Variants in MAP3K13 observed in about 807,000 individuals in gnomAD.
The protein encoded by MAP3K13 is leucine zipper-bearing kinase.
In MAP3K13, 52 loss-of-function variants were observed where a neutral mutation model predicts 104.0. That is an observed-to-expected ratio of 0.50 (90% CI 0.40 to 0.63). The LOEUF is 0.63. Among genes scored for constraint, MAP3K13 ranks in the 20% least tolerant of loss-of-function variants. The probability of loss-of-function intolerance (pLI) is 0.00; values close to 1 mark genes in which losing one functional copy is unlikely to be tolerated. For synonymous variants in MAP3K13, 394 were observed against 442.2 expected (o/e 0.89, Z 1.37); for missense variants, 914 against 1,218.5 (o/e 0.75, Z 3.72).
intron 2 of MAP3K13, among the ~76,000 whole-genome samples, chr3:185,316,565 C>T (rs1005326554): frequency 1.1e-4 from 16 of 152,094 alleles, no homozygotes; most frequent in African/African-American, 2.7e-4. Context: ...CACTTAAGCC[C>T]GGGAGGTGGA....
rs982692731 is a variant in MAP3K13, at chr3:185,416,886, G to A, written c.-85-11611G>A. 2.6e-5 allele frequency among the ~76,000 whole-genome samples: 4 copies of A among 151,272 alleles called. No individual in the cohort carries two copies. The South Asian group carries it at 8.3e-4, about 32-fold the overall frequency. Reference sequence around the variant, plus strand: ...AATCCTCCCACCTCAGCCTCCCAAAGTGCTGGGAGTACAGGCATGAGCCAC... The same window carrying A: ...AATCCTCCCACCTCAGCCTCCCAAAATGCTGGGAGTACAGGCATGAGCCAC... On this transcript the variant is annotated intron_variant, in intron 1 of 13. Transcript: ENST00000265026.
At chr3:185,332,597 CAATG>C (rs1722327140) in intron 2 of MAP3K13, among the ~76,000 whole-genome samples, 1 of 152,190 alleles carries the variant, frequency 6.6e-6, no homozygotes, top group Non-Finnish European at 1.5e-5. Flanking sequence ...CTTTCTGTTT[CAATG>C]AATGACTAGT....
intron 2 of MAP3K13, among the ~76,000 whole-genome samples, chr3:185,331,162 C>T (rs776595945): frequency 1.8e-4 from 24 of 130,528 alleles, no homozygotes; most frequent in African/African-American, 6.4e-4. Context: ...GGTGGGATCT[C>T]GGCTCACTGC....
intron 10 of MAP3K13, 86 bp from the exon 11 acceptor site, chr3:185,472,889 C>G: frequency 2.5e-6 from 3 of 1,223,100 alleles, no homozygotes; most frequent in Non-Finnish European, 3.5e-6. Context: ...TTCAAAGGCT[C>G]TGTGTATTTT....
At chr3:185,459,014 C>T (rs186976003) in intron 7 of MAP3K13, among the ~76,000 whole-genome samples, 2 of 152,280 alleles carry the variant, frequency 1.3e-5, no homozygotes, top group Non-Finnish European at 2.9e-5. Context: ...CACCCAATTC[C>T]AGATCCCAGT....
At chr3:185,384,006 A>G (rs911466308) in intron 1 of MAP3K13, among the ~76,000 whole-genome samples, 8 of 152,212 alleles carry the variant, frequency 5.3e-5, no homozygotes, top group Non-Finnish European at 7.3e-5. Context: ...GTTGTTAACT[A>G]TAGTCACCCT....
At chr3:185,327,693 C>T (rs1722086361) in intron 2 of MAP3K13, among the ~76,000 whole-genome samples, 1 of 152,168 alleles carries the variant, frequency 6.6e-6, no homozygotes, top group Non-Finnish European at 1.5e-5. Context: ...GGGCAAATCA[C>T]CTGAGGTCAG....
At chr3:185,451,215 TA>T (rs1715862150) in intron 6 of MAP3K13, 71 bp from the exon 7 acceptor site, 1 of 1,087,838 alleles carries the variant, frequency 9.2e-7, no homozygotes, top group Admixed American at 2.2e-5. Context: ...ATCTTCTTCA[TA>T]AAGTAAAATA....
intron 2 of MAP3K13, among the ~76,000 whole-genome samples, chr3:185,306,174 A>T (rs1277451638): frequency 6.6e-6 from 1 of 152,104 alleles, no homozygotes; most frequent in African/African-American, 2.4e-5. Flanking sequence ...TCTTTATCCA[A>T]TCCACCATTG....
At chr3:185,284,254 AT>A (rs1351815100) in intron 1 of MAP3K13, among the ~76,000 whole-genome samples, 1 of 152,068 alleles carries the variant, frequency 6.6e-6, no homozygotes, top group Non-Finnish European at 1.5e-5. Flanking sequence ...TATATCTTAT[AT>A]TTTCCATTAT....
At chr3:185,364,859 T>C (rs886773210) in intron 1 of MAP3K13, among the ~76,000 whole-genome samples, 4 of 152,242 alleles carry the variant, frequency 2.6e-5, no homozygotes, top group African/African-American at 9.6e-5. Flanking sequence ...ATTTTAGACA[T>C]AATATTTGTA....
intron 2 of MAP3K13, among the ~76,000 whole-genome samples, chr3:185,286,842 C>G (rs1160073726): frequency 6.6e-6 from 1 of 151,588 alleles, no homozygotes. Context: ...TTTCCATATA[C>G]TATTTCTGCT....
rs141942959 is a variant in MAP3K13 at position 185,486,391 on chromosome 3, G to A, written c.*3935G>A. 2.0e-5 allele frequency: 3 copies of A among 152,290 alleles called. No homozygotes were observed. Among genetic ancestry groups the A allele is most frequent in the African/African-American group, 7.2e-5 (3 of 41,566 alleles). The allele number at this position is 152,290 out of a possible 1,614,324, so 9.4% of individuals were successfully genotyped here. Reference sequence around the variant, plus strand: ...AGTAGAATTGACTAGAGGTTTCAGAGGAGAATAAGGTCCTTAGTGGAGGTT... The same window carrying A: ...AGTAGAATTGACTAGAGGTTTCAGAAGAGAATAAGGTCCTTAGTGGAGGTT... On this transcript the variant is annotated 3_prime_UTR_variant, in exon 14 of 14. Transcript: ENST00000265026.
chr3:185,391,725 T>C (rs1712063972), intron 1 of MAP3K13, among the ~76,000 whole-genome samples: 1 of 152,218 alleles, frequency 6.6e-6, no homozygotes, highest in South Asian at 2.1e-4. Flanking sequence ...TCTTTTCCTT[T>C]TCTCCTGCTT....
In MAP3K13 at chr3:185,473,273, A is replaced by G. The variant is rs779162038; in HGVS notation, c.1942A>G (p.Met648Val). The G allele has an allele frequency of 3.9e-5, 63 of 1,614,098 alleles. No individual in the cohort carries two copies. Among genetic ancestry groups the G allele is most frequent in the Non-Finnish European group, 5.0e-5 (59 of 1,180,042 alleles). ...QQQYQQPPPA[M>V]SQSHHPRLNM... ...GCAATACCAGCAGCCCCCTCCTGCC[A>G]TGTCCCAGAGTCACCATCCCAGACT... Residue 648 changes from methionine (M) to valine (V), a missense_variant, in exon 11 of 14, where the codon ATG becomes GTG. By Grantham distance (21) the Met-to-Val change is conservative. Coordinates refer to ENST00000265026, the MANE Select transcript of MAP3K13 (RefSeq NM_004721.5). This position sits in a 1 kb window ranked among gnomAD's most constrained non-coding sequence, Gnocchi z 4.9.
At chr3:185,286,386 G>A (rs1190368707) in intron 2 of MAP3K13, among the ~76,000 whole-genome samples, 1 of 151,562 alleles carries the variant, frequency 6.6e-6, no homozygotes, top group Admixed American at 6.6e-5. Flanking sequence ...TTTAGAATTT[G>A]TTTAATTCTA....
At chr3:185,443,084 C>G (rs1715413106) in intron 3 of MAP3K13, among the ~76,000 whole-genome samples, 1 of 152,104 alleles carries the variant, frequency 6.6e-6, no homozygotes, top group Admixed American at 6.6e-5. Flanking sequence ...TGTGATCCAC[C>G]CGCCTTGGCC....
intron 10 of MAP3K13, among the ~76,000 whole-genome samples, chr3:185,472,235 A>C (rs988169043): frequency 1.5e-5 from 2 of 131,974 alleles, no homozygotes; most frequent in African/African-American, 2.9e-5. Flanking sequence ...TTTGAGACAG[A>C]GTCTCACTCT....
chr3:185,307,955 C>T (rs895219328), intron 2 of MAP3K13, among the ~76,000 whole-genome samples: 1 of 139,834 alleles, frequency 7.2e-6, no homozygotes. Flanking sequence ...TTCTTTAAGA[C>T]AACTATTTTG....
Sources: allele counts gnomAD v4.1 joint callset (sites outside exome capture counted in the v4.1 genomes callset), GRCh38; gene constraint gnomAD v4.1.1; non-coding constraint Gnocchi (gnomAD v3.1); transcripts MANE v1.5; gene names NCBI Gene and HGNC (gene_info 2026-07-23, HGNC 2026-07-21).